Variants in RAB2B observed in about 807,000 individuals in gnomAD.
The protein encoded by RAB2B is RAB2B, member RAS oncogene family.
RAB2B carries 20 observed loss-of-function variants against 29.8 expected under a neutral mutation model. The observed-to-expected ratio is 0.67, with a 90% CI of 0.47 to 0.97. The LOEUF (loss-of-function observed/expected upper bound fraction) is 0.97, where lower values mean the gene tolerates loss of function less well. Ranked by LOEUF, RAB2B falls within the 50% of genes least tolerant of loss-of-function variation. RAB2B has a pLI of 0.00. For missense variants in RAB2B, 218 were observed against 272.0 expected (o/e 0.80, Z 1.40); for synonymous variants, 93 against 91.7 (o/e 1.01, Z -0.08).
chr14:21,463,604 A>G (rs1317922004), intron 6 of RAB2B, 52 bp downstream of exon 6: 1 of 1,223,870 alleles, frequency 8.2e-7, no homozygotes, highest in Non-Finnish European at 1.2e-6. Flanking sequence ...ATACAAGGAC[A>G]AATAATGGTG....
rs1327041379 is a variant in RAB2B, at chr14:21,461,306, G to A, written c.544-3C>T. On this transcript the variant is annotated splice_polypyrimidine_tract_variant and splice_region_variant and intron_variant, in intron 7 of 7. Transcript: ENST00000397762. ...GGCCCAATCTTGATGCCATTTGCCTGTAAAAGAAAAGAGGCAATAGTTCCC... is the reference window on the plus strand; with the variant it reads ...GGCCCAATCTTGATGCCATTTGCCTATAAAAGAAAAGAGGCAATAGTTCCC... 5.6e-6 allele frequency: 9 copies of A among 1,607,270 alleles called. No individual in the cohort carries two copies. Among genetic ancestry groups the A allele is most frequent in the South Asian group, 1.1e-5 (1 of 90,584 alleles).
intron 3 of RAB2B, among the ~76,000 whole-genome samples, 162 bp from the exon 4 acceptor site, chr14:21,468,914 A>G (rs1594412293): frequency 6.6e-6 from 1 of 151,562 alleles, no homozygotes; most frequent in South Asian, 2.1e-4. Context: ...CCGAGAAGAA[A>G]CCCAAGTGGG....
Position 21,468,410 on chromosome 14 carries a change from A to T in RAB2B, c.309T>A (p.Asp103Glu). ...TGTTGGAACTAGAGTGCTGCCGGGC[A>T]TCCTCTAACCATGAGGTCAGGTGGT... ...TFNHLTSWLE[D>E]ARQHSSSNMV... Residue 103 changes from aspartate to glutamate, a missense_variant, in exon 5 of 8, where the codon GAT (aspartate) becomes GAA (glutamate). By Grantham distance (45) the Asp-to-Glu change is conservative. Coordinates refer to ENST00000397762, the MANE Select transcript of RAB2B (RefSeq NM_032846.4). 6.2e-7 allele frequency: 1 copy of T among 1,614,110 alleles called. No individual in the cohort carries two copies. Among genetic ancestry groups the T allele is most frequent in the East Asian group, 2.2e-5 (1 of 44,882 alleles).
At chr14:21,465,859 A>G (rs1360622162) in intron 5 of RAB2B, among the ~76,000 whole-genome samples, 1 of 152,114 alleles carries the variant, frequency 6.6e-6, no homozygotes, top group Non-Finnish European at 1.5e-5. Context: ...AAACGTGTCA[A>G]GCTTCTTCCA....
At chr14:21,475,815 T>G (rs1180323536) in intron 2 of RAB2B, among the ~76,000 whole-genome samples, 3 of 152,244 alleles carry the variant, frequency 2.0e-5, no homozygotes, top group African/African-American at 7.2e-5. Flanking sequence ...TAGCTTCAGG[T>G]TTCCATACAG....
In RAB2B at chr14:21,468,680, C is replaced by T. The variant is rs1278875553; in HGVS notation, c.259G>A (p.Asp87Asn). The change falls in exon 4 of 8, where the codon GAC becomes AAC. Residue 87 changes from aspartate (D) to asparagine (N), a missense_variant. Coordinates refer to ENST00000397762, the MANE Select transcript of RAB2B (RefSeq NM_032846.4). ...CCAGATCTGGCTCACCTTGTAATGT[C>T]GTACACCAGCAGTGCTCCAGCTGCT... ...RGAAGALLVY[D>N]ITRRETFNHL... is the part of the protein sequence containing the mutation. 9.5e-6 allele frequency: 15 copies of T among 1,571,616 alleles called. No individual in the cohort carries two copies. Among genetic ancestry groups the T allele is most frequent in the African/African-American group, 1.4e-5 (1 of 72,492 alleles).
chr14:21,476,922 A>G lies in RAB2B; in HGVS notation c.-50T>C. 6.3e-7 allele frequency: 1 copy of G among 1,583,696 alleles called. No individual in the cohort carries two copies. Among genetic ancestry groups the G allele is most frequent in the Non-Finnish European group, 8.6e-7 (1 of 1,156,358 alleles). ...GTCCGCCCGACTTCTATAGCCACTT[A>G]CCTCCGACCTCTCTAGCCACTCAAT... On this transcript the variant is annotated 5_prime_UTR_variant, in exon 1 of 8. Coordinates refer to ENST00000397762, the MANE Select transcript of RAB2B (RefSeq NM_032846.4).
At chr14:21,468,557 TAGAG>T in intron 4 of RAB2B, 108 bp from the exon 5 acceptor site, 4 of 1,284,486 alleles carry the variant, frequency 3.1e-6, no homozygotes, top group Admixed American at 2.0e-5. Context: ...AGAAAAATAT[TAGAG>T]AGGCCATTCC....
chr14:21,476,441 C>T, intron 2 of RAB2B, 87 bp downstream of exon 2: 1 of 1,514,990 alleles, frequency 6.6e-7, no homozygotes, highest in Non-Finnish European at 9.1e-7. Flanking sequence ...CTTTTTACTT[C>T]GAACACTGAA....
intron 5 of RAB2B, among the ~76,000 whole-genome samples, chr14:21,464,452 T>A (rs1890641749): frequency 6.6e-6 from 1 of 152,046 alleles, no homozygotes; most frequent in Admixed American, 6.6e-5. Context: ...AGAAAAGTCA[T>A]AAGATGTCCC....
At chr14:21,474,973 G>A (rs369999664) in intron 2 of RAB2B, 39 bp from the exon 3 acceptor site, 30 of 1,569,046 alleles carry the variant, frequency 1.9e-5, no homozygotes, top group Middle Eastern at 1.7e-4. Context: ...TGATTCTCAC[G>A]AACAGCAGCC....
chr14:21,475,920 T>C (rs912867708), intron 2 of RAB2B, among the ~76,000 whole-genome samples: 6 of 152,230 alleles, frequency 3.9e-5, no homozygotes, highest in Non-Finnish European at 8.8e-5. Flanking sequence ...TTCATATATG[T>C]TGTTTATTTG....
chr14:21,461,338 G>C, intron 7 of RAB2B, 35 bp from the exon 8 acceptor site: 2 of 1,481,080 alleles, frequency 1.4e-6, no homozygotes, highest in Non-Finnish European at 1.9e-6. Context: ...TCCCACCTCA[G>C]TGTTAAAGTG....
Position 21,461,214 on chromosome 14 carries a change from G to C in RAB2B, c.633C>G (p.Ser211=). ...ASQRNSRDIG[S]NSGCC ...CAGATGTTCAGCAGCAGCCAGAGTT[G>C]GACCCTATGTCACGAGAGTTCCGCT... The change falls in exon 8 of 8, where the codon TCC becomes TCG. Residue 211 remains serine (S), a synonymous_variant. Coordinates refer to ENST00000397762, the MANE Select transcript of RAB2B (RefSeq NM_032846.4). The C allele has an allele frequency of 6.2e-7, 1 of 1,612,824 alleles. No homozygotes were observed. Among genetic ancestry groups the C allele is most frequent in the Non-Finnish European group, 8.5e-7 (1 of 1,179,228 alleles).
rs1334764554 is a variant in RAB2B at position 21,459,620 on chromosome 14, T to C, written c.*1576A>G. The C allele has an allele frequency of 6.6e-6, 1 of 152,226 alleles. No individual in the cohort carries two copies. Among genetic ancestry groups the C allele is most frequent in the African/African-American group, 2.4e-5 (1 of 41,440 alleles). 9.4% of individuals were successfully genotyped at this position (152,226 alleles called of 1,614,324 possible). A position where few individuals can be genotyped will look rare whatever the true frequency, so the allele number is the denominator to read the frequency against. On this transcript the variant is annotated 3_prime_UTR_variant, in exon 8 of 8. Transcript: ENST00000397762. Reference sequence around the variant, plus strand: ...AAAACAACTGCAAACCATATTTACATAGTAACATACATAAAAATAAATATA... The same window carrying C: ...AAAACAACTGCAAACCATATTTACACAGTAACATACATAAAAATAAATATA...
At chr14:21,472,387 T>C (rs1890839688) in intron 3 of RAB2B, among the ~76,000 whole-genome samples, 2 of 152,080 alleles carry the variant, frequency 1.3e-5, no homozygotes, top group Admixed American at 1.3e-4. Flanking sequence ...TCCCTAAACA[T>C]TTTCATGTAG....
rs1260559881 is a variant in RAB2B at position 21,469,617 on chromosome 14, T to A, written c.187-865A>T. Among the ~76,000 whole-genome samples the A allele has an allele frequency of 2.6e-5, 4 of 152,222 alleles. No individual in the cohort carries two copies. The East Asian group carries it at 7.7e-4, about 29-fold the overall frequency. The stretch of plus-strand genomic sequence containing the variant: ...CTTTAGGGAAAACAAAAACATTTTT[T>A]AAATAATATGAATACCCTGTACATT... On this transcript the variant is annotated intron_variant, in intron 3 of 7. Coordinates refer to ENST00000397762, the MANE Select transcript of RAB2B (RefSeq NM_032846.4).
intron 6 of RAB2B, among the ~76,000 whole-genome samples, chr14:21,463,244 CTTTCTTT>C (rs1890606643): frequency 1.6e-5 from 1 of 63,976 alleles, no homozygotes; most frequent in Non-Finnish European, 2.9e-5. Flanking sequence ...AGAAGACATT[CTTTCTTT>C]TTTTTTTTTT....
intron 6 of RAB2B, 82 bp from the exon 7 acceptor site, chr14:21,462,500 T>C (rs1248733603): frequency 1.5e-6 from 2 of 1,320,628 alleles, no homozygotes; most frequent in Non-Finnish European, 2.1e-6. Flanking sequence ...ATTATTCATA[T>C]TTGAATTTCT....
Sources: allele counts gnomAD v4.1 joint callset (sites outside exome capture counted in the v4.1 genomes callset), GRCh38; gene constraint gnomAD v4.1.1; transcripts MANE v1.5; gene names NCBI Gene and HGNC (gene_info 2026-07-23, HGNC 2026-07-21).